The following UGT1A10 variants were observed in gnomAD, a reference collection of about 807,000 sequenced individuals.
UGT1A10 encodes UDP-glucuronosyltransferase 1A10.
In UGT1A10, 49 loss-of-function variants were observed where a neutral mutation model predicts 45.8. That is an observed-to-expected ratio of 1.07 (90% CI 0.85 to 1.36). The LOEUF (loss-of-function observed/expected upper bound fraction) is 1.36. UGT1A10 is among the 40% of genes most tolerant of loss of function. UGT1A10 has a pLI of 0.00. For missense variants in UGT1A10, 745 were observed against 668.6 expected (o/e 1.11, Z -1.26); for synonymous variants, 284 against 249.7 (o/e 1.14, Z -1.29).
chr2:233,740,981 G>T (rs1424238424), intron 1 of UGT1A10: 1 of 151,674 alleles, frequency 6.6e-6, no homozygotes, highest in African/African-American at 2.4e-5. Flanking sequence ...TAGCTACTGG[G>T]AATGCTGAGG....
chr2:233,705,496 C>A (rs190154138), intron 1 of UGT1A10, among the ~76,000 whole-genome samples: 369 of 152,190 alleles, frequency 2.4e-3, no homozygotes, highest in Non-Finnish European at 3.9e-3. Context: ...ATAATAAATA[C>A]CTTTTTAAGA....
intron 1 of UGT1A10, among the ~76,000 whole-genome samples, chr2:233,737,258 C>A (rs552536149): frequency 6.6e-6 from 1 of 152,360 alleles, no homozygotes; most frequent in Admixed American, 6.5e-5. Context: ...CAAGCCTCAG[C>A]AATGGCGGAC....
intron 1 of UGT1A10, among the ~76,000 whole-genome samples, chr2:233,641,493 T>C (rs1296824142): frequency 1.3e-5 from 2 of 152,354 alleles, no homozygotes; most frequent in East Asian, 3.9e-4. Flanking sequence ...GTTATTATTT[T>C]TGATTTGTTC....
At chr2:233,654,306 C>G (rs1347098867) in intron 1 of UGT1A10, among the ~76,000 whole-genome samples, 1 of 152,120 alleles carries the variant, frequency 6.6e-6, no homozygotes, top group South Asian at 2.1e-4. Flanking sequence ...GGATTTGGAT[C>G]CTTAGGGAAT....
intron 1 of UGT1A10, chr2:233,682,233 C>T (rs2074566942): frequency 5.6e-6 from 9 of 1,614,200 alleles, no homozygotes; most frequent in African/African-American, 2.7e-5. Flanking sequence ...GCTCGCTGGA[C>T]GGCACCATTG....
At chr2:233,691,248 T>C in intron 1 of UGT1A10, 1 of 985,534 alleles carries the variant, frequency 1.0e-6, no homozygotes. Context: ...CTAGATGAAC[T>C]CAAAGCAAGA....
At chr2:233,689,825 A>G (rs910686008) in intron 1 of UGT1A10, 10 of 450,432 alleles carry the variant, frequency 2.2e-5, no homozygotes, top group Non-Finnish European at 3.5e-5. Flanking sequence ...ACATCTCTGG[A>G]CTCTAACTTT....
At chr2:233,710,950 C>G (rs1381804329) in intron 1 of UGT1A10, among the ~76,000 whole-genome samples, 1 of 152,180 alleles carries the variant, frequency 6.6e-6, no homozygotes, top group Non-Finnish European at 1.5e-5. Context: ...TTGTTTATGT[C>G]TCTGAGATTG....
chr2:233,641,477 TGTTTA>T (rs1215737646), intron 1 of UGT1A10, among the ~76,000 whole-genome samples: 1 of 152,228 alleles, frequency 6.6e-6, no homozygotes, highest in Non-Finnish European at 1.5e-5. Context: ...CTTAAAAAGT[TGTTTA>T]GTTATTATTT....
chr2:233,739,344 AG>A lies in UGT1A10; in HGVS notation c.856-27689del, dbSNP rs1575629032. On this transcript the variant is annotated intron_variant, in intron 1 of 4. Transcript: ENST00000344644. ...AGAAGGCCACAGTCCTTCAGAACCC[AG>A]AAGGGCAGATCCAATAGCTTGCACT... Among the ~76,000 whole-genome samples the A allele has an allele frequency of 3.9e-5, 6 of 152,328 alleles. No individual in the cohort carries two copies. In the East Asian group the frequency reaches 5.8e-4, roughly 15 times the overall value.
At chr2:233,702,369 G>T (rs116955810) in intron 1 of UGT1A10, among the ~76,000 whole-genome samples, 2 of 151,858 alleles carry the variant, frequency 1.3e-5, no homozygotes, top group African/African-American at 2.4e-5. Flanking sequence ...AGTGGATTTC[G>T]TAGGATTTTC....
At chr2:233,667,925 C>T (rs1026770462) in intron 1 of UGT1A10, among the ~76,000 whole-genome samples, 2 of 152,200 alleles carry the variant, frequency 1.3e-5, no homozygotes, top group Admixed American at 1.3e-4. Context: ...CACTTTTACA[C>T]TGTTGGTGGG....
chr2:233,760,386 C>A, intron 1 of UGT1A10: 1 of 1,614,180 alleles, frequency 6.2e-7, no homozygotes. Flanking sequence ...TACTGTTGAT[C>A]CCAGTGGATG....
chr2:233,686,522 G>A (rs757832173), intron 1 of UGT1A10, among the ~76,000 whole-genome samples: 4 of 152,052 alleles, frequency 2.6e-5, no homozygotes, highest in Non-Finnish European at 5.9e-5. Context: ...CTCCACCTGC[G>A]TTAGAACCTA....
In UGT1A10 at chr2:233,768,295, C is replaced by G; in HGVS notation, c.1151C>G (p.Pro384Arg). The part of the protein sequence containing the change: ...GVYESICNGV[P>R]MVMMPLFGDQ... ...TATGAAAGCATATGCAATGGCGTTC[C>G]CATGGTGATGATGCCCTTGTTTGGT... The change falls in exon 4 of 5, where the codon CCC (proline) becomes CGC (arginine). Residue 384 changes from proline (P) to arginine (R), a missense_variant. Physicochemically the swap from Pro to Arg is moderately radical, Grantham distance 103 (BLOSUM62 -2). Transcript: ENST00000344644. 6.2e-7 allele frequency: 1 copy of G among 1,614,158 alleles called. No individual in the cohort carries two copies. Among genetic ancestry groups the G allele is most frequent in the Admixed American group, 1.7e-5 (1 of 60,024 alleles).
At chr2:233,668,096 T>G (rs1461244923) in intron 1 of UGT1A10, among the ~76,000 whole-genome samples, 1 of 152,134 alleles carries the variant, frequency 6.6e-6, no homozygotes, top group Non-Finnish European at 1.5e-5. Flanking sequence ...AGGGTACATG[T>G]GCACAACATG....
intron 1 of UGT1A10, chr2:233,743,763 C>A (rs1415597563): frequency 7.3e-7 from 1 of 1,367,254 alleles, no homozygotes; most frequent in African/African-American, 1.5e-5. Flanking sequence ...ACCTCGTAGG[C>A]CTCGGCCACC....
In UGT1A10 at chr2:233,652,849, G is replaced by A. The variant is rs1469114368; in HGVS notation, c.855+15472G>A. On this transcript the variant is annotated intron_variant, in intron 1 of 4. Coordinates refer to ENST00000344644, the MANE Select transcript of UGT1A10 (RefSeq NM_019075.4). ...ATAGCTAAATAGAAAAGCTAGAAGTGTAAAAGTTTAGAAGGAAACATTTGG... is the reference window on the plus strand; with the variant it reads ...ATAGCTAAATAGAAAAGCTAGAAGTATAAAAGTTTAGAAGGAAACATTTGG... Among the ~76,000 whole-genome samples, 15 of 152,330 alleles carry A rather than the reference G, an allele frequency of 9.8e-5. No individual in the cohort carries two copies. The East Asian group carries it at 2.9e-3, about 29-fold the overall frequency.
intron 1 of UGT1A10, among the ~76,000 whole-genome samples, chr2:233,661,477 A>G (rs1362719834): frequency 6.6e-6 from 1 of 152,142 alleles, no homozygotes; most frequent in Non-Finnish European, 1.5e-5. Context: ...TTTATCCATT[A>G]ACTCTTTGAA....
Sources: gnomAD v4.1 joint callset for allele counts (sites outside exome capture counted in the v4.1 genomes callset) on GRCh38, gnomAD v4.1.1 for gene constraint, MANE v1.5 for transcripts, NCBI Gene and HGNC (gene_info 2026-07-23, HGNC 2026-07-21) for gene names.